OCA2: variants seen among roughly 807,000 people sequenced by gnomAD.
The protein encoded by OCA2 is P protein.
A neutral mutation model predicts 100.2 loss-of-function variants in OCA2; 77 were observed. The ratio of observed to expected loss-of-function variants is 0.77; its 90% CI spans 0.64 to 0.93. The LOEUF (loss-of-function observed/expected upper bound fraction) is 0.93, where lower values mean the gene tolerates loss of function less well. OCA2 is among the 40% of genes least tolerant of loss of function. The pLI, the probability that OCA2 is intolerant of heterozygous loss-of-function variation, is 0.00. For synonymous variants in OCA2, 432 were observed against 439.2 expected (o/e 0.98, Z 0.21); for missense variants, 1,062 against 1,089.1 (o/e 0.98, Z 0.35).
At chr15:27,914,104 T>A (rs531244793) in intron 19 of OCA2, among the ~76,000 whole-genome samples, 1 of 152,158 alleles carries the variant, frequency 6.6e-6, no homozygotes, top group Non-Finnish European at 1.5e-5. Context: ...ATAAATGTGA[T>A]TCACCACATA....
the OCA2 span, among the ~76,000 whole-genome samples, chr15:27,728,715 G>T: frequency 1.3e-5 from 2 of 152,154 alleles, no homozygotes; most frequent in African/African-American, 4.8e-5. Context: ...AGAGGAAGAG[G>T]CTCTCTGGTT....
chr15:27,750,925 G>T (rs960820821), downstream of OCA2, among the ~76,000 whole-genome samples: 1 of 152,156 alleles, frequency 6.6e-6, no homozygotes, highest in Non-Finnish European at 1.5e-5. Context: ...AATGACACAA[G>T]CTGCTTCCCA....
At chr15:27,916,741 T>C (rs1448400338) in intron 19 of OCA2, among the ~76,000 whole-genome samples, 1 of 152,148 alleles carries the variant, frequency 6.6e-6, no homozygotes, top group Non-Finnish European at 1.5e-5. Flanking sequence ...GTAACAAAAG[T>C]CAGTGCAACA....
chr15:27,892,439 C>A (rs551858203), intron 19 of OCA2, among the ~76,000 whole-genome samples: 1 of 152,094 alleles, frequency 6.6e-6, no homozygotes, highest in Non-Finnish European at 1.5e-5. Flanking sequence ...TGGAAATTAA[C>A]CAACATACTT....
intron 1 of OCA2, among the ~76,000 whole-genome samples, chr15:28,090,825 A>G: frequency 6.6e-6 from 1 of 152,156 alleles, no homozygotes; most frequent in Middle Eastern, 3.2e-3. Context: ...GAAATGAGAA[A>G]TAATGAAGCT....
At chr15:28,064,357 T>TTC (rs149501086) in intron 2 of OCA2, among the ~76,000 whole-genome samples, 11 of 150,050 alleles carry the variant, frequency 7.3e-5, no homozygotes, top group African/African-American at 1.7e-4. Flanking sequence ...TTCTGGTCCT[T>TTC]TCTCTCTCTC....
rs116408615 is a variant in OCA2 at position 28,004,548 on chromosome 15, A to T, written c.1044+10228T>A. ...CACGGTCTCACACTCACCCTCCCTC[A>T]CATGCCCACACACTAACACAGTCTC... is the stretch of plus-strand genomic sequence containing the variant. On this transcript the variant is annotated intron_variant, in intron 9 of 23. Coordinates refer to ENST00000354638, the MANE Select transcript of OCA2 (RefSeq NM_000275.3). Among the ~76,000 whole-genome samples, 1,222 of 151,762 alleles carry T rather than the reference A, an allele frequency of 8.1e-3. 26 individuals are homozygous for T. The highest frequency in any genetic ancestry group is 0.027 in the African/African-American group (1,135 of 41,380).
chr15:27,895,793 TATGCTTGGAA>T, intron 19 of OCA2: 1 of 424,354 alleles, frequency 2.4e-6, no homozygotes, highest in Non-Finnish European at 4.4e-6. Flanking sequence ...AACTGAGTAT[TATGCTTGGAA>T]ATGCTTGGTG....
rs150785502 is a variant in OCA2, at chr15:27,789,312, CTTTCT to C, written c.2433-33845_2433-33841del. 6.1e-3 allele frequency among the ~76,000 whole-genome samples: 927 copies of C among 151,786 alleles called. 16 individuals are homozygous for C. Among genetic ancestry groups the C allele is most frequent in the African/African-American group, 0.021 (863 of 41,358 alleles). Reference sequence around the variant, plus strand: ...TATGCCAACAATTAATTCTCTGAGTCTTTCTTTTGTTTTGTTTTAAATCTGGTCAT... The same window carrying C: ...TATGCCAACAATTAATTCTCTGAGTCTTTGTTTTGTTTTAAATCTGGTCAT... On this transcript the variant is annotated intron_variant, in intron 23 of 23. Coordinates refer to ENST00000354638, the MANE Select transcript of OCA2 (RefSeq NM_000275.3).
the OCA2 span, among the ~76,000 whole-genome samples, chr15:27,719,330 T>A: frequency 1.3e-5 from 2 of 152,194 alleles, no homozygotes; most frequent in Non-Finnish European, 2.9e-5. Flanking sequence ...TCTCTCTTCC[T>A]AAAAGGACAC....
intron 23 of OCA2, among the ~76,000 whole-genome samples, chr15:27,776,984 T>TGGGGGGAGGGGGGGGGGGGGGGGGGGG (rs2032269715): frequency 1.6e-5 from 1 of 61,450 alleles, no homozygotes; most frequent in Non-Finnish European, 3.4e-5. Flanking sequence ...TGGGGGGGGG[T>TGGGGGGAGGGGGGGGGGGGGGGGGGGG]GGGGGGAGTG....
chr15:27,915,714 G>A (rs1483520520), intron 19 of OCA2, among the ~76,000 whole-genome samples: 1 of 152,120 alleles, frequency 6.6e-6, no homozygotes, highest in Non-Finnish European at 1.5e-5. Context: ...ATGTTGGTGA[G>A]GTTGCAGAGA....
Position 27,922,188 on chromosome 15 carries a change from G to A in OCA2, c.2079+3939C>T, listed in dbSNP as rs1054600345. On this transcript the variant is annotated intron_variant, in intron 19 of 23. Coordinates refer to ENST00000354638, the MANE Select transcript of OCA2 (RefSeq NM_000275.3). ...ATCCAACTTTCTCCTGTAATGTTACGACCTTTCTCTGCTTCTTTAGAGCAC... is the reference window on the plus strand; with the variant it reads ...ATCCAACTTTCTCCTGTAATGTTACAACCTTTCTCTGCTTCTTTAGAGCAC... Among the ~76,000 whole-genome samples the A allele has an allele frequency of 1.1e-4, 16 of 152,184 alleles. No individual in the cohort carries two copies. The East Asian group carries it at 2.3e-3, about 22-fold the overall frequency.
intron 22 of OCA2, among the ~76,000 whole-genome samples, 176 bp downstream of exon 22, chr15:27,851,206 G>T (rs1272465460): frequency 6.6e-6 from 1 of 152,216 alleles, no homozygotes; most frequent in Admixed American, 6.5e-5. Context: ...CAGAGAATGG[G>T]AAGGAACGGA....
At chr15:28,029,595 A>T (rs1425512812) in intron 3 of OCA2, among the ~76,000 whole-genome samples, 1 of 152,222 alleles carries the variant, frequency 6.6e-6, no homozygotes, top group Non-Finnish European at 1.5e-5. Context: ...GTGAATTTTT[A>T]ATTTTAATTA....
intron 23 of OCA2, among the ~76,000 whole-genome samples, chr15:27,824,172 A>G (rs1887752629): frequency 6.6e-6 from 1 of 152,206 alleles, no homozygotes; most frequent in Non-Finnish European, 1.5e-5. Flanking sequence ...ATTTGAGACC[A>G]GCCTGGCTAA....
At chr15:27,970,487 G>A (rs2040738403) in intron 14 of OCA2, among the ~76,000 whole-genome samples, 1 of 152,150 alleles carries the variant, frequency 6.6e-6, no homozygotes, top group African/African-American at 2.4e-5. Flanking sequence ...GCACGGCATG[G>A]TGGGAAAATA....
intron 23 of OCA2, among the ~76,000 whole-genome samples, chr15:27,773,575 T>C (rs1054153823): frequency 3.9e-5 from 6 of 152,246 alleles, no homozygotes; most frequent in South Asian, 2.1e-4. Context: ...TTTTGTGTGG[T>C]TCATGAGTAT....
Position 27,989,623 on chromosome 15 carries a change from G to A in OCA2, c.1160C>T (p.Thr387Met), listed in dbSNP as rs150335311. 3.6e-4 allele frequency: 584 copies of A among 1,614,090 alleles called. 10 individuals carry two copies. The East Asian group carries it at 9.5e-3, about 26-fold the overall frequency. ...TACCATGCCAAACAGCAGGGCCAGC[G>A]TCTCAAAATCAATCCACTCCACCAC... ...THVVEWIDFE[T>M]LALLFGMMIL... The change falls in exon 11 of 24, where the codon ACG (threonine) becomes ATG (methionine). Residue 387 changes from threonine to methionine, a missense_variant. Thr to Met is a moderately conservative substitution (Grantham distance 81). Coordinates refer to ENST00000354638, the MANE Select transcript of OCA2 (RefSeq NM_000275.3).
Sources: allele counts gnomAD v4.1 joint callset (sites outside exome capture counted in the v4.1 genomes callset), GRCh38; gene constraint gnomAD v4.1.1; transcripts MANE v1.5; gene names NCBI Gene and HGNC (gene_info 2026-07-23, HGNC 2026-07-21).